Variants in PDE4D observed in about 807,000 individuals in gnomAD.
PDE4D encodes phosphodiesterase 4D.
In PDE4D, 24 loss-of-function variants were observed where a neutral mutation model predicts 87.4. The observed-to-expected ratio is 0.27, with a 90% CI of 0.20 to 0.39. The LOEUF (loss-of-function observed/expected upper bound fraction) is 0.39. Among genes scored for constraint, PDE4D ranks in the 10% least tolerant of loss-of-function variants. The pLI is 1.00. For synonymous variants in PDE4D, 384 were observed against 383.2 expected, an observed-to-expected ratio of 1.00 and a Z score of -0.02; for missense variants, 714 against 1,041.0, an observed-to-expected ratio of 0.69 and a Z score of 4.32.
intron 1 of PDE4D, among the ~76,000 whole-genome samples, chr5:59,514,162 G>C (rs556428100): frequency 6.6e-6 from 1 of 150,754 alleles, no homozygotes; most frequent in South Asian, 2.1e-4. Context: ...CTGGAGTGCA[G>C]TGGTGCGATC....
chr5:59,125,162 T>C (rs1448511207), intron 5 of PDE4D: 1 of 361,908 alleles, frequency 2.8e-6, no homozygotes, highest in Non-Finnish European at 3.8e-6. Context: ...TTAGAAGAGA[T>C]TGAGCTATTT....
chr5:60,141,150 G>A (rs1442806418), intron 2 of PDE4D, among the ~76,000 whole-genome samples: 2 of 152,116 alleles, frequency 1.3e-5, no homozygotes, highest in Non-Finnish European at 2.9e-5. Flanking sequence ...CTCCAGTAAA[G>A]AGAGACTGGA....
chr5:59,354,478 C>G (rs534975169), intron 1 of PDE4D, among the ~76,000 whole-genome samples: 1 of 152,146 alleles, frequency 6.6e-6, no homozygotes, highest in South Asian at 2.1e-4. Context: ...TTTAACTGTG[C>G]GTGCATGTGC....
intron 1 of PDE4D, among the ~76,000 whole-genome samples, chr5:59,333,839 T>A (rs1430520755): frequency 6.6e-6 from 1 of 152,120 alleles, no homozygotes; most frequent in African/African-American, 2.4e-5. Context: ...TTTCATATCC[T>A]AATTATATTT....
chr5:59,590,494 T>C (rs1042170717), intron 1 of PDE4D, among the ~76,000 whole-genome samples: 2 of 152,110 alleles, frequency 1.3e-5, no homozygotes, highest in Non-Finnish European at 2.9e-5. Context: ...CTGGGAAACA[T>C]AGACTCTGTC....
chr5:60,188,121 T>C (rs1784925614), intron 1 of PDE4D, among the ~76,000 whole-genome samples: 1 of 152,162 alleles, frequency 6.6e-6, no homozygotes, highest in Non-Finnish European at 1.5e-5. Flanking sequence ...TCTCAAATAA[T>C]ACATATGTAG....
At chr5:59,898,803 T>C (rs1187621679) in intron 3 of PDE4D, among the ~76,000 whole-genome samples, 1 of 152,176 alleles carries the variant, frequency 6.6e-6, no homozygotes, top group Non-Finnish European at 1.5e-5. Context: ...GTAGTGACTT[T>C]GTATACATTA....
Position 60,183,906 on chromosome 5 carries a change from C to T in PDE4D, c.42+1651G>A, listed in dbSNP as rs186350679. Among the ~76,000 whole-genome samples, 223 of 152,226 alleles carry T rather than the reference C, an allele frequency of 1.5e-3. 1 individual carries two copies. Among genetic ancestry groups the T allele is most frequent in the Admixed American group, 6.7e-3 (102 of 15,284 alleles). On this transcript the variant is annotated intron_variant, in intron 2 of 16. Transcript: ENST00000502484. The stretch of plus-strand genomic sequence containing the variant: ...GCTCTTTTTTTCTGATAAACATTAA[C>T]TTCTGCTTAGAGTCATTTAATTAAG...
chr5:59,764,723 A>G (rs1279791364), intron 1 of PDE4D, among the ~76,000 whole-genome samples: 1 of 134,218 alleles, frequency 7.5e-6, no homozygotes, highest in Non-Finnish European at 1.5e-5. Context: ...TGGCACAATC[A>G]TGGCTCACTG....
rs139733293 is a variant in PDE4D, at chr5:59,019,953, A to G, written c.921+18906T>C. On this transcript the variant is annotated intron_variant, in intron 6 of 14. Transcript: ENST00000340635. ...GATACATAAAAATCTCATTTCACCT[A>G]TAAGAACCTCTGGAGCAGATACATG... 4.5e-3 allele frequency among the ~76,000 whole-genome samples: 683 copies of G among 152,240 alleles called. 6 individuals are homozygous for G. The highest frequency in any genetic ancestry group is 7.3e-3 in the Non-Finnish European group (496 of 68,024).
intron 1 of PDE4D, among the ~76,000 whole-genome samples, chr5:59,724,075 G>A (rs1280920728): frequency 6.6e-6 from 1 of 152,086 alleles, no homozygotes; most frequent in Admixed American, 6.6e-5. Flanking sequence ...ATTGAGGGAT[G>A]GTGATTTTAC....
At chr5:60,378,757 G>A (rs1447404073) in intron 1 of PDE4D, among the ~76,000 whole-genome samples, 1 of 152,094 alleles carries the variant, frequency 6.6e-6, no homozygotes, top group Non-Finnish European at 1.5e-5. Context: ...GGAGGCTGAG[G>A]CAGGAGAATC....
At chr5:60,515,595 C>CTT (rs1750759847) in intron 1 of PDE4D, among the ~76,000 whole-genome samples, 22 of 71,062 alleles carry the variant, frequency 3.1e-4, no homozygotes, top group African/African-American at 1.5e-3. Flanking sequence ...CTTTCCTTTT[C>CTT]TTTTTCTTTT....
At chr5:59,758,637 T>C (rs1292458997) in intron 1 of PDE4D, among the ~76,000 whole-genome samples, 1 of 152,142 alleles carries the variant, frequency 6.6e-6, no homozygotes, top group Non-Finnish European at 1.5e-5. Flanking sequence ...CATTTCCCTA[T>C]CTGTTACCTA....
At chr5:59,163,273 A>G in intron 5 of PDE4D, among the ~76,000 whole-genome samples, 1 of 103,356 alleles carries the variant, frequency 9.7e-6, no homozygotes, top group East Asian at 2.4e-4. Context: ...TAAATGAACA[A>G]TCTTTTTTTT....
intron 5 of PDE4D, among the ~76,000 whole-genome samples, chr5:59,140,188 A>G (rs1777688730): frequency 6.6e-6 from 1 of 152,234 alleles, no homozygotes; most frequent in Non-Finnish European, 1.5e-5. Flanking sequence ...ATACTTCTCA[A>G]GGGCAACAGA....
chr5:60,466,807 C>T (rs556186512), intron 1 of PDE4D, among the ~76,000 whole-genome samples: 3 of 152,156 alleles, frequency 2.0e-5, no homozygotes, highest in East Asian at 3.9e-4. Context: ...CCTGCCCCTT[C>T]GTTGTTCTCA....
intron 1 of PDE4D, among the ~76,000 whole-genome samples, chr5:60,236,507 C>A (rs946348616): frequency 1.3e-5 from 2 of 151,876 alleles, no homozygotes; most frequent in African/African-American, 4.8e-5. Context: ...AACATATCTA[C>A]CTATGATAGG....
At chr5:60,496,560 T>C (rs1749823258) in intron 1 of PDE4D, among the ~76,000 whole-genome samples, 1 of 152,180 alleles carries the variant, frequency 6.6e-6, no homozygotes. Flanking sequence ...AACACAGCTG[T>C]TTGTACTCAC....
Sources: gnomAD v4.1 joint callset for allele counts (sites outside exome capture counted in the v4.1 genomes callset) on GRCh38, gnomAD v4.1.1 for gene constraint, MANE v1.5 for transcripts, NCBI Gene and HGNC (gene_info 2026-07-23, HGNC 2026-07-21) for gene names.